Variants in CUX1 observed in about 807,000 individuals in gnomAD.
CUX1 encodes protein CASP.
CUX1 carries 31 observed loss-of-function variants against 158.8 expected under a neutral mutation model. The ratio of observed to expected loss-of-function variants is 0.20; its 90% CI spans 0.15 to 0.26. CUX1 has a LOEUF of 0.26. Among genes scored for constraint, CUX1 ranks in the 10% least tolerant of loss-of-function variants. The probability of loss-of-function intolerance (pLI) is 1.00; values close to 1 mark genes in which losing one functional copy is unlikely to be tolerated. For missense variants in CUX1, 1,589 were observed against 2,014.6 expected, an observed-to-expected ratio of 0.79 and a Z score of 4.04; for synonymous variants, 879 against 862.1, an observed-to-expected ratio of 1.02 and a Z score of -0.34.
intron 22 of CUX1, chr7:102,282,957 T>TGG: frequency 1.3e-6 from 1 of 763,400 alleles, no homozygotes; most frequent in Non-Finnish European, 2.0e-6. Context: ...CCCCATCACA[T>TGG]GGTACACACC....
intron 20 of CUX1, among the ~76,000 whole-genome samples, chr7:102,216,552 ACACG>A (rs1797098442): frequency 1.7e-5 from 1 of 60,034 alleles, no homozygotes; most frequent in African/African-American, 5.5e-5. Context: ...ACACACCCAC[ACACG>A]CACACACACT....
chr7:102,268,133 C>G lies in CUX1; in HGVS notation c.1256-5233C>G, dbSNP rs79447155. On this transcript the variant is annotated intron_variant, in intron 14 of 22. Transcript: ENST00000292538. The stretch of plus-strand genomic sequence containing the variant: ...CACCACAGACTCCTTTTCTGAGCCC[C>G]TTTCCCTGTCTTATGCTCACTTATC... Among the ~76,000 whole-genome samples, 736 of 152,266 alleles carry G rather than the reference C, an allele frequency of 4.8e-3. 6 individuals are homozygous for G. The highest frequency in any genetic ancestry group is 5.1e-3 in the Non-Finnish European group (344 of 68,018).
At chr7:102,185,784 C>T (rs1335955996) in intron 11 of CUX1, among the ~76,000 whole-genome samples, 1 of 152,064 alleles carries the variant, frequency 6.6e-6, no homozygotes, top group Non-Finnish European at 1.5e-5. Flanking sequence ...TGCAGAGAGC[C>T]CCCGGCTCAT....
intron 2 of CUX1, among the ~76,000 whole-genome samples, chr7:101,972,944 G>T (rs920653596): frequency 1.3e-5 from 2 of 152,100 alleles, no homozygotes; most frequent in African/African-American, 4.8e-5. Context: ...TGACCTTAAG[G>T]CGAAAAGCTC....
chr7:101,885,035 G>C (rs73403622), intron 1 of CUX1, among the ~76,000 whole-genome samples: 2 of 152,278 alleles, frequency 1.3e-5, no homozygotes, highest in African/African-American at 4.8e-5. Context: ...GTCCTCTGTA[G>C]TGCCTATTTC....
intron 14 of CUX1, among the ~76,000 whole-genome samples, chr7:102,272,439 G>A (rs929459335): frequency 2.0e-5 from 3 of 152,234 alleles, no homozygotes; most frequent in East Asian, 1.9e-4. Context: ...AAAGGACAGC[G>A]TCCTGGGTCT....
intron 1 of CUX1, among the ~76,000 whole-genome samples, chr7:101,890,251 G>T (rs186773290): frequency 1.3e-4 from 20 of 152,344 alleles, no homozygotes; most frequent in Admixed American, 2.6e-4. Flanking sequence ...GGGCTGTGGG[G>T]AGTCTTTTGG....
intron 19 of CUX1, 78 bp from the exon 20 acceptor site, chr7:102,205,036 G>T: frequency 9.6e-7 from 1 of 1,046,018 alleles, no homozygotes. Context: ...GCCTCCCCGG[G>T]CCTTGCCACA....
intron 2 of CUX1, among the ~76,000 whole-genome samples, chr7:101,943,964 TAAA>T (rs5886208): frequency 2.0e-4 from 27 of 138,192 alleles, no homozygotes; most frequent in Admixed American, 3.6e-4. Flanking sequence ...ATTTAAAAAT[TAAA>T]AAAAAAAAAA....
intron 2 of CUX1, among the ~76,000 whole-genome samples, chr7:101,918,569 T>C (rs1411586928): frequency 6.6e-6 from 1 of 152,222 alleles, no homozygotes; most frequent in Non-Finnish European, 1.5e-5. Context: ...TCTTTGGCTG[T>C]AGTAACGAGG....
intron 2 of CUX1, among the ~76,000 whole-genome samples, chr7:101,996,851 T>C (rs1420450856): frequency 6.6e-6 from 1 of 152,020 alleles, no homozygotes; most frequent in Non-Finnish European, 1.5e-5. Flanking sequence ...ATACATACCC[T>C]TCCACCCTGC....
intron 11 of CUX1, among the ~76,000 whole-genome samples, chr7:102,180,808 G>C (rs1450518644): frequency 1.3e-5 from 2 of 151,756 alleles, no homozygotes; most frequent in East Asian, 3.9e-4. Flanking sequence ...CCCAGCGCCG[G>C]GTCCCTTGGA....
intron 9 of CUX1, among the ~76,000 whole-genome samples, chr7:102,164,814 G>T (rs944363117): frequency 6.6e-6 from 1 of 152,150 alleles, no homozygotes; most frequent in African/African-American, 2.4e-5. Flanking sequence ...TTTGTTCCTC[G>T]GGGGACTTGC....
intron 18 of CUX1, among the ~76,000 whole-genome samples, chr7:102,278,665 AAT>A (rs1478198759): frequency 6.8e-6 from 1 of 147,000 alleles, no homozygotes; most frequent in Non-Finnish European, 1.5e-5. Flanking sequence ...AAAAAAATAA[AAT>A]AAAATATAAA....
chr7:102,233,958 C>A (rs1554531677), intron 21 of CUX1, 94 bp from the exon 22 acceptor site: 5 of 1,046,452 alleles, frequency 4.8e-6, no homozygotes, highest in Admixed American at 3.1e-5. Context: ...AGCCTTTAAA[C>A]TCCTGTGTCT....
Position 102,250,814 on chromosome 7 carries a change from CTGTG to C in CUX1, c.*1774_*1777del, listed in dbSNP as rs1160148631. On this transcript the variant is annotated 3_prime_UTR_variant, in exon 24 of 24. Coordinates refer to ENST00000292535, the MANE Select transcript of CUX1 (RefSeq NM_181552.4). The stretch of plus-strand genomic sequence containing the variant: ...TGTGCGTGTGTGCAATTTTATACGT[CTGTG>C]TATTTTCTTAAGTACCTGTGCACAC... The C allele has an allele frequency of 6.1e-6, 6 of 985,206 alleles. No individual in the cohort carries two copies. The African/African-American group carries it at 8.7e-5, about 14-fold the overall frequency. 61.0% of individuals were successfully genotyped at this position (985,206 alleles called of 1,614,324 possible). A position where few individuals can be genotyped will look rare whatever the true frequency, so the allele number is the denominator to read the frequency against.
At chr7:102,122,454 T>C (rs1832148886) in intron 8 of CUX1, among the ~76,000 whole-genome samples, 1 of 152,052 alleles carries the variant, frequency 6.6e-6, no homozygotes, top group Non-Finnish European at 1.5e-5. Flanking sequence ...ATTCTTGGGA[T>C]TTTTCATCTC....
At chr7:102,164,268 T>G (rs1319399851) in intron 9 of CUX1, among the ~76,000 whole-genome samples, 1 of 152,222 alleles carries the variant, frequency 6.6e-6, no homozygotes, top group Non-Finnish European at 1.5e-5. Flanking sequence ...AGCTATCCTC[T>G]CGCCTTGGCC....
intron 16 of CUX1, 52 bp from the exon 17 acceptor site, chr7:102,200,019 A>G: frequency 6.6e-7 from 1 of 1,506,526 alleles, no homozygotes; most frequent in Non-Finnish European, 9.1e-7. Context: ...CGCAGCGCTG[A>G]TTTTTGTCCG....
Sources: allele counts gnomAD v4.1 joint callset (sites outside exome capture counted in the v4.1 genomes callset), GRCh38; gene constraint gnomAD v4.1.1; transcripts MANE v1.5; gene names NCBI Gene and HGNC (gene_info 2026-07-23, HGNC 2026-07-21).